The following HCRTR2 variants were observed in gnomAD, a reference collection of about 807,000 sequenced individuals.
HCRTR2 encodes orexin receptor type 2.
In HCRTR2, 22 loss-of-function variants were observed where a neutral mutation model predicts 49.0. That is an observed-to-expected ratio of 0.45 (90% CI 0.32 to 0.64). The LOEUF is 0.64. Among genes scored for constraint, HCRTR2 ranks in the 30% least tolerant of loss-of-function variants. The pLI is 0.04. For synonymous variants in HCRTR2, 236 were observed against 205.3 expected, an observed-to-expected ratio of 1.15 and a Z score of -1.28; for missense variants, 491 against 559.4, an observed-to-expected ratio of 0.88 and a Z score of 1.23.
At chr6:55,127,122 A>G (rs551984639) in intron 1 of HCRTR2, among the ~76,000 whole-genome samples, 1 of 152,226 alleles carries the variant, frequency 6.6e-6, no homozygotes, top group East Asian at 1.9e-4. Flanking sequence ...GGTATGGGAA[A>G]AAAAAATTTC....
At chr6:55,150,238 CA>C (rs1207982170) in intron 1 of HCRTR2, among the ~76,000 whole-genome samples, 2 of 151,776 alleles carry the variant, frequency 1.3e-5, no homozygotes, top group Non-Finnish European at 2.9e-5. Context: ...AGTAAACACC[CA>C]GGAAGTTGTC....
intron 1 of HCRTR2, among the ~76,000 whole-genome samples, chr6:55,209,643 C>A (rs2127290751): frequency 6.6e-6 from 1 of 152,278 alleles, no homozygotes; most frequent in South Asian, 2.1e-4. Flanking sequence ...CTGGATTCTT[C>A]CCAATGTATT....
intron 1 of HCRTR2, among the ~76,000 whole-genome samples, chr6:55,220,696 A>G (rs1387402267): frequency 6.6e-6 from 1 of 152,306 alleles, no homozygotes; most frequent in East Asian, 1.9e-4. Context: ...TATTACTAGA[A>G]GTCTTTGCTA....
At chr6:55,121,001 G>A (rs1386265430) in intron 1 of HCRTR2, among the ~76,000 whole-genome samples, 3 of 151,994 alleles carry the variant, frequency 2.0e-5, no homozygotes, top group Non-Finnish European at 4.4e-5. Flanking sequence ...GTTTTTTCCA[G>A]TTCTGTGAAG....
chr6:55,174,852 C>G (rs202040171), intron 1 of HCRTR2, 42 bp downstream of exon 1: 7 of 1,518,246 alleles, frequency 4.6e-6, no homozygotes, highest in Non-Finnish European at 6.4e-6. Flanking sequence ...GCTATCACCC[C>G]CTCTCCGCCC....
intron 1 of HCRTR2, among the ~76,000 whole-genome samples, chr6:55,145,274 A>C (rs1764563441): frequency 6.6e-6 from 1 of 152,220 alleles, no homozygotes; most frequent in South Asian, 2.1e-4. Context: ...TACAAAACAA[A>C]GAAAAACCAA....
At chr6:55,168,116 G>A (rs1176306697) in intron 1 of HCRTR2, among the ~76,000 whole-genome samples, 1 of 152,196 alleles carries the variant, frequency 6.6e-6, no homozygotes, top group African/African-American at 2.4e-5. Context: ...TAAATGCAAA[G>A]TGCATGCTAA....
chr6:55,125,238 C>G (rs539971817), intron 1 of HCRTR2, among the ~76,000 whole-genome samples: 3 of 152,264 alleles, frequency 2.0e-5, no homozygotes, highest in Admixed American at 6.5e-5. Context: ...TATGTTTTTG[C>G]AGTGGCTGGT....
At chr6:55,173,868 G>A (rs1434551950), upstream of HCRTR2, among the ~76,000 whole-genome samples, 12 of 152,198 alleles carry the variant, frequency 7.9e-5, no homozygotes, top group Non-Finnish European at 1.8e-4. Context: ...GACTCGGCAA[G>A]TACTAAGTTG....
chr6:55,268,014 G>A (rs1289980258), intron 4 of HCRTR2, among the ~76,000 whole-genome samples: 1 of 152,112 alleles, frequency 6.6e-6, no homozygotes, highest in African/African-American at 2.4e-5. Context: ...CTATAAAATT[G>A]TGAAGATTCA....
chr6:55,249,541 T>A (rs1019912025), intron 2 of HCRTR2, among the ~76,000 whole-genome samples: 3 of 152,132 alleles, frequency 2.0e-5, no homozygotes, highest in Non-Finnish European at 4.4e-5. Flanking sequence ...GTTGGCACAG[T>A]GATTACCCTC....
At chr6:55,177,093 T>G (rs562087618) in intron 1 of HCRTR2, among the ~76,000 whole-genome samples, 2 of 152,272 alleles carry the variant, frequency 1.3e-5, no homozygotes, top group African/African-American at 4.8e-5. Context: ...AGTTTTAGTT[T>G]CAAGAAGGAA....
intron 1 of HCRTR2, among the ~76,000 whole-genome samples, chr6:55,133,375 A>G (rs1330064582): frequency 9.5e-5 from 10 of 104,862 alleles, no homozygotes; most frequent in African/African-American, 3.4e-4. Flanking sequence ...ATATACACAT[A>G]CACACACACA....
At chr6:55,234,338 A>G (rs1371803902) in intron 1 of HCRTR2, among the ~76,000 whole-genome samples, 1 of 152,142 alleles carries the variant, frequency 6.6e-6, no homozygotes, top group African/African-American at 2.4e-5. Flanking sequence ...AAGGTAAAAG[A>G]TTGGTTTTGT....
chr6:55,192,411 G>GCACACA (rs1436691152), intron 1 of HCRTR2, among the ~76,000 whole-genome samples: 16 of 44,690 alleles, frequency 3.6e-4, no homozygotes, highest in African/African-American at 1.3e-3. Flanking sequence ...ACGCGCGCGC[G>GCACACA]CGCACACACA....
At chr6:55,250,553 G>A (rs1482221546) in intron 2 of HCRTR2, among the ~76,000 whole-genome samples, 2 of 152,130 alleles carry the variant, frequency 1.3e-5, no homozygotes, top group Non-Finnish European at 2.9e-5. Flanking sequence ...TTCCCTGGTG[G>A]GAAGTGAAGT....
intron 1 of HCRTR2, among the ~76,000 whole-genome samples, chr6:55,134,108 A>C (rs1764401086): frequency 6.6e-6 from 1 of 151,730 alleles, no homozygotes; most frequent in Non-Finnish European, 1.5e-5. Flanking sequence ...CTCCACCAAA[A>C]TTGTGGCAAA....
intron 1 of HCRTR2, among the ~76,000 whole-genome samples, chr6:55,121,223 T>A (rs1363671654): frequency 6.6e-6 from 1 of 152,116 alleles, no homozygotes; most frequent in Non-Finnish European, 1.5e-5. Flanking sequence ...GGTATTTTAT[T>A]CTCTTTGAAG....
chr6:55,199,680 C>T (rs1266238760), intron 1 of HCRTR2, among the ~76,000 whole-genome samples: 2 of 151,938 alleles, frequency 1.3e-5, no homozygotes, highest in Non-Finnish European at 2.9e-5. Context: ...AAAATAATTA[C>T]ATTTGTTTAA....
Sources: allele counts gnomAD v4.1 joint callset (sites outside exome capture counted in the v4.1 genomes callset), GRCh38; gene constraint gnomAD v4.1.1; transcripts MANE v1.5; gene names NCBI Gene and HGNC (gene_info 2026-07-23, HGNC 2026-07-21).